The following ACSM6 variants were observed in gnomAD, a reference collection of about 807,000 sequenced individuals.
ACSM6 encodes acyl-coenzyme A synthetase ACSM6, mitochondrial.
In ACSM6, 35 loss-of-function variants were observed where a neutral mutation model predicts 51.1. That is an observed-to-expected ratio of 0.69 (90% confidence interval 0.52 to 0.91). The LOEUF (loss-of-function observed/expected upper bound fraction) is 0.91. Among genes scored for constraint, ACSM6 ranks in the 40% least tolerant of loss-of-function variants. The pLI, the probability that ACSM6 is intolerant of heterozygous loss-of-function variation, is 0.00. For synonymous variants in ACSM6, 172 were observed against 207.3 expected (o/e 0.83, Z 1.46); for missense variants, 509 against 584.1 (o/e 0.87, Z 1.32).
chr10:95,215,462 G>T (rs2034935109), intron 8 of ACSM6, among the ~76,000 whole-genome samples: 1 of 152,176 alleles, frequency 6.6e-6, no homozygotes, highest in Non-Finnish European at 1.5e-5. Flanking sequence ...AAACACAGAT[G>T]AAAAGCATGG....
At chr10:95,208,891 A>G (rs991774328) in intron 4 of ACSM6, among the ~76,000 whole-genome samples, 2 of 127,396 alleles carry the variant, frequency 1.6e-5, no homozygotes, top group African/African-American at 5.7e-5. Context: ...ATAATTATCA[A>G]TGTGGTCTTT....
At chr10:95,224,268 C>T (rs183130019) in intron 9 of ACSM6, among the ~76,000 whole-genome samples, 10 of 152,232 alleles carry the variant, frequency 6.6e-5, no homozygotes, top group East Asian at 1.9e-4. Flanking sequence ...AAAATGAGTA[C>T]GCATATTGCT....
At chr10:95,194,487 T>C in exon 2 of ACSM6, 3 of 1,551,638 alleles carry the variant, frequency 1.9e-6, no homozygotes, top group Non-Finnish European at 2.6e-6. Context: ...CTGACCCAAA[T>C]GCTAGGCCGA....
At chr10:95,219,824 A>C (rs2034979416) in intron 8 of ACSM6, 67 bp from the exon 9 acceptor site, 1 of 1,189,946 alleles carries the variant, frequency 8.4e-7, no homozygotes, top group Admixed American at 1.8e-5. Flanking sequence ...TCTGGTTATG[A>C]TCAATAACTA....
At chr10:95,202,039 G>A (rs1215599455) in exon 3 of ACSM6, 18 of 1,551,700 alleles carry the variant, frequency 1.2e-5, no homozygotes, top group Non-Finnish European at 1.4e-5. Context: ...CAAAGGAGAA[G>A]AGGACAAATG....
At chr10:95,195,801 C>A (rs1175627654) in intron 2 of ACSM6, among the ~76,000 whole-genome samples, 1 of 152,092 alleles carries the variant, frequency 6.6e-6, no homozygotes, top group Non-Finnish European at 1.5e-5. Context: ...ATACTTACTG[C>A]CTTTGGTGCA....
rs1044306974 is a variant in ACSM6 at position 95,214,918 on chromosome 10, G to C, written c.1062G>C (p.Glu354Asp). 27 of 1,551,506 alleles carry C rather than the reference G, an allele frequency of 1.7e-5. No homozygotes were observed. Among genetic ancestry groups the C allele is most frequent in the Admixed American group, 5.9e-5 (3 of 50,974 alleles). The change falls in exon 8 of 11, where the codon GAG (glutamate) becomes GAC (aspartate). Residue 354 changes from glutamate to aspartate, a missense_variant. Transcript: ENST00000341686. ...GACCCATCAGCCCTGGGGTGATTGA[G>C]GACTGGAAACGCATCACTAAGTTGG... is the stretch of plus-strand genomic sequence containing the variant.
intron 2 of ACSM6, among the ~76,000 whole-genome samples, chr10:95,197,816 G>A (rs12762652): frequency 0.072 from 11,029 of 152,242 alleles, 516 homozygotes; most frequent in Middle Eastern, 0.15. Flanking sequence ...CTCATCCCAC[G>A]AGGCCATATT....
chr10:95,218,300 G>A (rs1446776056), intron 8 of ACSM6, among the ~76,000 whole-genome samples: 1 of 152,198 alleles, frequency 6.6e-6, no homozygotes, highest in Non-Finnish European at 1.5e-5. Context: ...TAGCTAAGGA[G>A]TCTTGTGTTT....
chr10:95,206,073 T>G (rs920287297), intron 3 of ACSM6, among the ~76,000 whole-genome samples: 1 of 152,176 alleles, frequency 6.6e-6, no homozygotes, highest in South Asian at 2.1e-4. Flanking sequence ...TTTTAGAATA[T>G]TCACAAAGCT....
At chr10:95,212,210 G>T (rs999678687) in intron 6 of ACSM6, among the ~76,000 whole-genome samples, 176 bp downstream of exon 6, 1 of 152,162 alleles carries the variant, frequency 6.6e-6, no homozygotes, top group Admixed American at 6.5e-5. Flanking sequence ...TTCCCTAGGG[G>T]CTTTGCAATT....
intron 4 of ACSM6, among the ~76,000 whole-genome samples, chr10:95,207,644 G>A (rs1393932670): frequency 6.6e-6 from 1 of 152,054 alleles, no homozygotes; most frequent in African/African-American, 2.4e-5. Context: ...AGCATCCCTG[G>A]TCTGACCTAC....
rs2034704019 is a variant in ACSM6 at position 95,194,284 on chromosome 10, A to G, written c.-41A>G. On this transcript the variant is annotated 5_prime_UTR_variant, in exon 1 of 11. In the 5' UTR this introduces an upstream ATG that the reference lacks. Transcript: ENST00000341686. ...CCTCCAAACATCTGAAGCCCCCCAT[A>G]GAAACTCCTCTTGGAATTGGTAAGT... 1.9e-6 allele frequency: 1 copy of G among 515,328 alleles called. No homozygotes were observed. The highest frequency in any genetic ancestry group is 3.4e-6 in the Non-Finnish European group (1 of 293,360). The allele number at this position is 515,328 out of a possible 1,614,324, so 31.9% of individuals were successfully genotyped here.
chr10:95,214,327 C>T (rs1334205918), intron 7 of ACSM6, among the ~76,000 whole-genome samples: 1 of 152,144 alleles, frequency 6.6e-6, no homozygotes, highest in Non-Finnish European at 1.5e-5. Context: ...CTGGACATCA[C>T]CAAAATCAAA....
exon 4 of ACSM6, chr10:95,207,408 T>C: frequency 6.2e-7 from 1 of 1,614,052 alleles, no homozygotes; most frequent in Non-Finnish European, 8.5e-7. Context: ...TTTCAAGAAG[T>C]TGATTCAGTA....
chr10:95,212,087 T>G (rs2133383189), intron 6 of ACSM6, 53 bp downstream of exon 6: 1 of 1,604,504 alleles, frequency 6.2e-7, no homozygotes, highest in African/African-American at 1.3e-5. Context: ...GAGAGAGGCA[T>G]TAGCAATGAC....
chr10:95,214,838 T>C lies in ACSM6; in HGVS notation c.996-14T>C. The C allele has an allele frequency of 6.4e-7, 1 of 1,550,792 alleles. No individual in the cohort carries two copies. Among genetic ancestry groups the C allele is most frequent in the Non-Finnish European group, 8.7e-7 (1 of 1,146,682 alleles). On this transcript the variant is annotated splice_polypyrimidine_tract_variant and intron_variant, in intron 7 of 10. Coordinates refer to ENST00000341686, the Ensembl canonical transcript of ACSM6. ...ATTCCCTGAGGCTAAGAACAACTTT[T>C]GATGCCTCTCCAGCTACAGATTCAA...
chr10:95,209,079 A>G (rs1455739804), intron 4 of ACSM6, among the ~76,000 whole-genome samples: 1 of 152,152 alleles, frequency 6.6e-6, no homozygotes, highest in Non-Finnish European at 1.5e-5. Flanking sequence ...AAACTCCAAA[A>G]CAAAACAGGC....
At chr10:95,212,024 C>G in exon 6 of ACSM6, 1 of 1,614,082 alleles carries the variant, frequency 6.2e-7, no homozygotes, top group Non-Finnish European at 8.5e-7. Context: ...TGCCCTGAGA[C>G]TGTTCTAAAT....
Sources: allele counts gnomAD v4.1 joint callset (sites outside exome capture counted in the v4.1 genomes callset), GRCh38; gene constraint gnomAD v4.1.1; transcripts MANE v1.5; gene names NCBI Gene and HGNC (gene_info 2026-07-23, HGNC 2026-07-21).